Variants in LDB2 observed in about 807,000 individuals in gnomAD.
LDB2 encodes LIM domain binding 2, also known as LIM domain-binding protein 2.
In LDB2, 12 loss-of-function variants were observed where a neutral mutation model predicts 44.3. That is an observed-to-expected ratio of 0.27 (90% confidence interval 0.17 to 0.44). LDB2 has a LOEUF of 0.44. Ranked by LOEUF, LDB2 falls within the 20% of genes least tolerant of loss-of-function variation. The probability of loss-of-function intolerance (pLI) is 1.00; values close to 1 mark genes in which losing one functional copy is unlikely to be tolerated. For synonymous variants in LDB2, 164 were observed against 174.8 expected, an observed-to-expected ratio of 0.94 and a Z score of 0.49; for missense variants, 344 against 473.5, an observed-to-expected ratio of 0.73 and a Z score of 2.54.
intron 5 of LDB2, among the ~76,000 whole-genome samples, chr4:16,540,098 A>G (rs1458282393): frequency 3.3e-5 from 5 of 152,142 alleles, no homozygotes; most frequent in Non-Finnish European, 7.4e-5. Flanking sequence ...ATACACTTTT[A>G]AACAATCAGA....
At chr4:16,862,460 C>A (rs1267558390) in intron 1 of LDB2, among the ~76,000 whole-genome samples, 1 of 151,550 alleles carries the variant, frequency 6.6e-6, no homozygotes, top group Non-Finnish European at 1.5e-5. Flanking sequence ...ATGGAGAAAC[C>A]CTGTCTCTAC....
chr4:16,673,745 G>A (rs935637925), intron 2 of LDB2, among the ~76,000 whole-genome samples: 2 of 152,138 alleles, frequency 1.3e-5, no homozygotes, highest in Non-Finnish European at 2.9e-5. Flanking sequence ...CAGGGATGCT[G>A]CCAAACATCC....
At chr4:16,847,603 T>TTGTC (rs1246489390) in intron 1 of LDB2, among the ~76,000 whole-genome samples, 1 of 128,340 alleles carries the variant, frequency 7.8e-6, no homozygotes, top group Non-Finnish European at 1.7e-5. Flanking sequence ...ACATGTTTGT[T>TTGTC]TGTTTGTTTG....
intron 2 of LDB2, among the ~76,000 whole-genome samples, chr4:16,660,446 G>T (rs1461125247): frequency 6.6e-6 from 1 of 152,140 alleles, no homozygotes; most frequent in Non-Finnish European, 1.5e-5. Flanking sequence ...ATCAGTTAAT[G>T]ACTAACAAGG....
At chr4:16,848,191 A>G (rs1357172333) in intron 1 of LDB2, among the ~76,000 whole-genome samples, 2 of 152,232 alleles carry the variant, frequency 1.3e-5, no homozygotes, top group African/African-American at 4.8e-5. Context: ...AAAGCAAAAA[A>G]GAACTATGTA....
chr4:16,740,660 T>C (rs752513676), intron 2 of LDB2, among the ~76,000 whole-genome samples: 14 of 152,234 alleles, frequency 9.2e-5, no homozygotes, highest in Non-Finnish European at 1.8e-4. Flanking sequence ...CTCTCTTCCA[T>C]TGGAGAACTG....
intron 2 of LDB2, among the ~76,000 whole-genome samples, chr4:16,749,590 ATATAT>A (rs1376603140): frequency 2.2e-5 from 3 of 135,942 alleles, no homozygotes; most frequent in African/African-American, 5.7e-5. Flanking sequence ...ATAAAAAAAA[ATATAT>A]ATATATATAT....
chr4:16,554,355 A>G (rs1300500240), intron 5 of LDB2, among the ~76,000 whole-genome samples: 1 of 152,062 alleles, frequency 6.6e-6, no homozygotes, highest in East Asian at 1.9e-4. Flanking sequence ...CGGCCAGCCG[A>G]AATGGTTTTT....
Position 16,828,464 on chromosome 4 carries a change from T to C in LDB2, c.133-69204A>G, listed in dbSNP as rs926455096. 5.3e-5 allele frequency among the ~76,000 whole-genome samples: 8 copies of C among 152,304 alleles called. No homozygotes were observed. The South Asian group carries it at 1.2e-3, about 24-fold the overall frequency. On this transcript the variant is annotated intron_variant, in intron 1 of 7. Transcript: ENST00000304523. ...AGGAGAGTTACCTCCTTTTAGCCCA[T>C]AATCTGTAACCCCTCCTCTTGGATG...
intron 2 of LDB2, among the ~76,000 whole-genome samples, chr4:16,721,571 CA>C (rs1224974003): frequency 6.6e-6 from 1 of 152,068 alleles, no homozygotes; most frequent in Admixed American, 6.6e-5. Flanking sequence ...GATCATCCAA[CA>C]AAAAAACTGA....
intron 2 of LDB2, among the ~76,000 whole-genome samples, chr4:16,644,619 G>A (rs1323342155): frequency 2.6e-5 from 4 of 151,938 alleles, no homozygotes; most frequent in East Asian, 3.9e-4. Flanking sequence ...TAGTAGAGAC[G>A]GGGTTTCACC....
chr4:16,668,341 A>G (rs768632039), intron 2 of LDB2, among the ~76,000 whole-genome samples: 6 of 152,168 alleles, frequency 3.9e-5, no homozygotes, highest in Non-Finnish European at 7.3e-5. Flanking sequence ...CAGCCTAAAG[A>G]AACTCCTGAT....
At chr4:16,629,931 G>C (rs1731424196) in intron 2 of LDB2, among the ~76,000 whole-genome samples, 1 of 152,116 alleles carries the variant, frequency 6.6e-6, no homozygotes, top group East Asian at 1.9e-4. Flanking sequence ...AGAAATATGG[G>C]ACTATGTGAA....
intron 5 of LDB2, among the ~76,000 whole-genome samples, chr4:16,542,095 A>AGGT (rs1553889085): frequency 1.6e-4 from 2 of 12,758 alleles, no homozygotes; most frequent in African/African-American, 3.6e-4. Flanking sequence ...CAATTACATC[A>AGGT]GGTGGTGGGG....
chr4:16,655,104 A>C (rs1343382208), intron 2 of LDB2, among the ~76,000 whole-genome samples: 1 of 152,218 alleles, frequency 6.6e-6, no homozygotes, highest in East Asian at 1.9e-4. Context: ...CTCCCCATGC[A>C]GAAATCTGAA....
At chr4:16,851,623 G>A (rs1026487789) in intron 1 of LDB2, among the ~76,000 whole-genome samples, 1 of 151,776 alleles carries the variant, frequency 6.6e-6, no homozygotes, top group Non-Finnish European at 1.5e-5. Context: ...AGAAAAAAAA[G>A]AAAATTCCAG....
intron 1 of LDB2, among the ~76,000 whole-genome samples, chr4:16,784,337 A>C (rs549423367): frequency 1.3e-5 from 2 of 152,290 alleles, no homozygotes; most frequent in Non-Finnish European, 2.9e-5. Context: ...GAACCTCTAC[A>C]CCTCTGTTTC....
chr4:16,559,293 C>A (rs1305723129), intron 5 of LDB2, among the ~76,000 whole-genome samples: 2 of 152,156 alleles, frequency 1.3e-5, no homozygotes, highest in African/African-American at 4.8e-5. Flanking sequence ...AGTCAAGATC[C>A]ATCAGTGTGC....
At chr4:16,615,552 C>A (rs1374533089) in intron 2 of LDB2, among the ~76,000 whole-genome samples, 1 of 151,946 alleles carries the variant, frequency 6.6e-6, no homozygotes, top group African/African-American at 2.4e-5. Flanking sequence ...GAGAGTTGAA[C>A]ACTGAGAACA....
Sources: allele counts gnomAD v4.1 joint callset (sites outside exome capture counted in the v4.1 genomes callset), GRCh38; gene constraint gnomAD v4.1.1; transcripts MANE v1.5; gene names NCBI Gene and HGNC (gene_info 2026-07-23, HGNC 2026-07-21).